MEIKIN: variants seen among roughly 807,000 people sequenced by gnomAD.
The protein encoded by MEIKIN is meiotic kinetochore factor, also known as meiosis-specific kinetochore protein.
At chr5:131,937,230 C>T (rs1751796197) in intron 4 of MEIKIN, among the ~76,000 whole-genome samples, 1 of 152,162 alleles carries the variant, frequency 6.6e-6, no homozygotes, top group Non-Finnish European at 1.5e-5. Context: ...GAATATGTGT[C>T]TAAAAATTCC....
rs139625069 is a variant in MEIKIN at position 131,893,374 on chromosome 5, G to A, written c.704-14326C>T. 8.4e-3 allele frequency among the ~76,000 whole-genome samples: 1,285 copies of A among 152,352 alleles called. 23 individuals are homozygous for A. The highest frequency in any genetic ancestry group is 0.029 in the African/African-American group (1,192 of 41,580). ...TAGCAATGAGCAAGGCTCCATGGGC[G>A]TAGGACCCTCTGAGCCATGTGGGGG... On this transcript the variant is annotated intron_variant, in intron 8 of 12. Transcript: ENST00000442687.
In MEIKIN at chr5:131,870,258, C is replaced by CA. The variant is rs957431447; in HGVS notation, c.774+8719dup. On this transcript the variant is annotated intron_variant, in intron 9 of 12. Transcript: ENST00000442687. The stretch of plus-strand genomic sequence containing the variant: ...ATCAAAAATAACATAGACACACACA[C>CA]AAAAAAAGTCTTTATAATACTGGAC... 2.0e-5 allele frequency among the ~76,000 whole-genome samples: 3 copies of CA among 152,074 alleles called. No homozygotes were observed. The South Asian group carries it at 6.2e-4, about 32-fold the overall frequency.
chr5:131,849,472 T>C (rs1255755666), intron 11 of MEIKIN, among the ~76,000 whole-genome samples: 47 of 756 alleles, frequency 0.062, 2 homozygotes, highest in African/African-American at 0.16. Context: ...AGAAACCTCT[T>C]TTCTTTATAT....
chr5:131,906,736 G>A (rs1014700632), intron 8 of MEIKIN, among the ~76,000 whole-genome samples: 4 of 152,138 alleles, frequency 2.6e-5, no homozygotes, highest in Non-Finnish European at 1.5e-5. Context: ...AAATCTGGAG[G>A]CCATTATTCT....
chr5:131,945,302 G>A (rs1054142881), intron 1 of MEIKIN, 53 bp from the exon 2 acceptor site: 1 of 399,096 alleles, frequency 2.5e-6, no homozygotes, highest in Non-Finnish European at 4.4e-6. Flanking sequence ...CGGCTTCGGG[G>A]GGGTCCTGGG....
At chr5:131,902,478 C>A (rs1341925451) in intron 8 of MEIKIN, among the ~76,000 whole-genome samples, 3 of 127,242 alleles carry the variant, frequency 2.4e-5, no homozygotes, top group African/African-American at 1.2e-4. Flanking sequence ...CCCCAGAAAC[C>A]AGGAAGATGG....
chr5:131,914,511 AAG>A (rs1181481300), intron 7 of MEIKIN, among the ~76,000 whole-genome samples: 2 of 142,820 alleles, frequency 1.4e-5, no homozygotes, highest in African/African-American at 2.6e-5. Flanking sequence ...AGAAAAGAAA[AAG>A]AAAAAGGAAG....
At chr5:131,830,321 T>C (rs11958749) in intron 11 of MEIKIN, among the ~76,000 whole-genome samples, 113,983 of 152,164 alleles carry the variant, frequency 0.75, 42,944 homozygotes, top group Middle Eastern at 0.81. Flanking sequence ...CAATTGAGCC[T>C]GGGAGGTCAA....
intron 9 of MEIKIN, among the ~76,000 whole-genome samples, chr5:131,865,717 T>C (rs1177578364): frequency 6.6e-6 from 1 of 152,250 alleles, no homozygotes; most frequent in Non-Finnish European, 1.5e-5. Context: ...TATGTGCATA[T>C]GTGTTGGTAG....
At chr5:131,813,508 G>A (rs948008108) in intron 12 of MEIKIN, among the ~76,000 whole-genome samples, 1 of 149,620 alleles carries the variant, frequency 6.7e-6, no homozygotes, top group Non-Finnish European at 1.5e-5. Context: ...CTCACTGAAA[G>A]CTCCGCCTCC....
chr5:131,880,697 T>A (rs1349770332), intron 8 of MEIKIN, among the ~76,000 whole-genome samples: 3 of 152,214 alleles, frequency 2.0e-5, no homozygotes, highest in Non-Finnish European at 4.4e-5. Flanking sequence ...CTTCAAAGGC[T>A]TTCTACTGCC....
chr5:131,869,775 A>T (rs1750453286), intron 9 of MEIKIN, among the ~76,000 whole-genome samples: 1 of 152,202 alleles, frequency 6.6e-6, no homozygotes, highest in Admixed American at 6.5e-5. Context: ...TTCAGCCTCC[A>T]GCAATTCATC....
intron 8 of MEIKIN, among the ~76,000 whole-genome samples, chr5:131,910,731 T>C (rs1561752810): frequency 6.6e-6 from 1 of 151,848 alleles, no homozygotes; most frequent in African/African-American, 2.4e-5. Context: ...TCCACAAATA[T>C]TAATAATAAA....
rs996601210 is a variant in MEIKIN, at chr5:131,928,658, T to C, written c.478+4855A>G. ...ACCAGAACTAAAAGTGATTTAATTC[T>C]GGTATACTACTATAACAGTATTACT... On this transcript the variant is annotated intron_variant, in intron 5 of 12. Transcript: ENST00000442687. 6.0e-4 allele frequency among the ~76,000 whole-genome samples: 91 copies of C among 152,310 alleles called. 1 individual carries two copies. Among genetic ancestry groups the C allele is most frequent in the African/African-American group, 2.0e-3 (83 of 41,572 alleles).
At chr5:131,837,296 T>C (rs1580866047) in intron 11 of MEIKIN, among the ~76,000 whole-genome samples, 1 of 152,300 alleles carries the variant, frequency 6.6e-6, no homozygotes, top group East Asian at 1.9e-4. Flanking sequence ...GGTAGTGTGA[T>C]ACTTCCCCCT....
At position 131,860,679 on chromosome 5, in the gene MEIKIN, C is replaced by A. The variant is rs546714555; in HGVS notation, c.775-5845G>T. On this transcript the variant is annotated intron_variant, in intron 9 of 12. Coordinates refer to ENST00000442687, the MANE Select transcript of MEIKIN (RefSeq NM_001303622.2). Reference sequence around the variant, plus strand: ...GGCCAGGCTGGTCTTGAACTCCTCACCTCATGATCCACCCACCTCAGGCTC... The same window carrying A: ...GGCCAGGCTGGTCTTGAACTCCTCAACTCATGATCCACCCACCTCAGGCTC... Among the ~76,000 whole-genome samples the A allele has an allele frequency of 2.0e-5, 3 of 151,348 alleles. No individual in the cohort carries two copies. The East Asian group carries it at 5.8e-4, about 30-fold the overall frequency.
intron 9 of MEIKIN, among the ~76,000 whole-genome samples, chr5:131,873,984 T>A (rs941002079): frequency 6.6e-6 from 1 of 152,066 alleles, no homozygotes; most frequent in Non-Finnish European, 1.5e-5. Context: ...CTCTGGGACA[T>A]ATTCAAAGCA....
At chr5:131,851,974 C>T (rs529365834) in intron 10 of MEIKIN, among the ~76,000 whole-genome samples, 6 of 152,228 alleles carry the variant, frequency 3.9e-5, no homozygotes, top group African/African-American at 1.4e-4. Context: ...CAACTGAAAA[C>T]ATGTTTAACA....
Position 131,831,530 on chromosome 5 carries a change from G to A in MEIKIN, c.976-12667C>T, listed in dbSNP as rs140363070. Among the ~76,000 whole-genome samples, 947 of 152,198 alleles carry A rather than the reference G, an allele frequency of 6.2e-3. 9 individuals are homozygous for A. The Middle Eastern group carries it at 0.072, about 12-fold the overall frequency. ...TATATCACACCACTGTATTACAGCC[G>A]GGGTGACAGAGCAACAACGTGTCTC... On this transcript the variant is annotated intron_variant, in intron 11 of 12. Coordinates refer to ENST00000442687, the MANE Select transcript of MEIKIN (RefSeq NM_001303622.2).
Sources: allele counts gnomAD v4.1 joint callset (sites outside exome capture counted in the v4.1 genomes callset), GRCh38; gene constraint gnomAD v4.1.1; transcripts MANE v1.5; gene names NCBI Gene and HGNC (gene_info 2026-07-23, HGNC 2026-07-21).